The following RUNDC3B variants were observed in gnomAD, a reference collection of about 807,000 sequenced individuals.
The protein encoded by RUNDC3B is RUN domain containing 3B, also known as RUN domain-containing protein 3B.
In RUNDC3B, 33 loss-of-function variants were observed where a neutral mutation model predicts 58.4. The ratio of observed to expected loss-of-function variants is 0.56; its 90% confidence interval spans 0.43 to 0.75. RUNDC3B has a LOEUF of 0.75. Among genes scored for constraint, RUNDC3B ranks in the 30% least tolerant of loss-of-function variants. RUNDC3B has a pLI of 0.00. For missense variants in RUNDC3B, 501 were observed against 535.7 expected, an observed-to-expected ratio of 0.94 and a Z score of 0.64; for synonymous variants, 193 against 195.2, an observed-to-expected ratio of 0.99 and a Z score of 0.10.
Position 87,641,750 on chromosome 7 carries a change from C to T in RUNDC3B, c.123-9072C>T, listed in dbSNP as rs142279977. Among the ~76,000 whole-genome samples the T allele has an allele frequency of 2.0e-3, 311 of 152,288 alleles. 1 individual carries two copies. Among genetic ancestry groups the T allele is most frequent in the Admixed American group, 3.2e-3 (49 of 15,302 alleles). On this transcript the variant is annotated intron_variant, in intron 1 of 10. Coordinates refer to ENST00000394654, the MANE Select transcript of RUNDC3B (RefSeq NM_001134405.2). ...AGAAAGAAAGTGGATATGATGCCCA[C>T]ATTTTGTTGTTTTAGCTAAGTAAAA...
chr7:87,790,452 A>G (rs1835462726), intron 8 of RUNDC3B, among the ~76,000 whole-genome samples: 1 of 152,154 alleles, frequency 6.6e-6, no homozygotes, highest in African/African-American at 2.4e-5. Flanking sequence ...ATGTCTACAA[A>G]CATCAGACCA....
At chr7:87,759,719 G>A (rs971477464) in intron 6 of RUNDC3B, among the ~76,000 whole-genome samples, 2 of 147,090 alleles carry the variant, frequency 1.4e-5, no homozygotes, top group Non-Finnish European at 3.0e-5. Context: ...GATTGCTTAA[G>A]CTCAGGAGTT....
At chr7:87,788,726 C>CT (rs1233193909) in intron 8 of RUNDC3B, among the ~76,000 whole-genome samples, 2 of 76,358 alleles carry the variant, frequency 2.6e-5, no homozygotes, top group Non-Finnish European at 5.8e-5. Context: ...TTTTTCTTTT[C>CT]TTTTTTTATT....
intron 4 of RUNDC3B, among the ~76,000 whole-genome samples, chr7:87,715,801 C>A (rs1830523118): frequency 6.6e-6 from 1 of 151,592 alleles, no homozygotes; most frequent in African/African-American, 2.4e-5. Context: ...GTGACTTGAT[C>A]AGAAAGGCTT....
intron 8 of RUNDC3B, 107 bp downstream of exon 8, chr7:87,778,062 A>ATTTTCT (rs1834737735): frequency 3.4e-6 from 3 of 887,946 alleles, no homozygotes; most frequent in Non-Finnish European, 5.1e-6. Context: ...TGCCTGTTAA[A>ATTTTCT]TTCTTTTTCA....
At chr7:87,661,877 TAA>T (rs1370604455) in intron 2 of RUNDC3B, among the ~76,000 whole-genome samples, 1 of 152,078 alleles carries the variant, frequency 6.6e-6, no homozygotes, top group Non-Finnish European at 1.5e-5. Context: ...CAACAGTGTA[TAA>T]GAGTTCCCTT....
chr7:87,765,638 C>A (rs930088149), intron 6 of RUNDC3B, among the ~76,000 whole-genome samples: 12 of 151,906 alleles, frequency 7.9e-5, no homozygotes, highest in African/African-American at 2.7e-4. Context: ...TAATTTTATT[C>A]CACTGTGGTC....
At chr7:87,705,647 A>C (rs1829517554) in intron 3 of RUNDC3B, among the ~76,000 whole-genome samples, 1 of 152,182 alleles carries the variant, frequency 6.6e-6, no homozygotes, top group East Asian at 1.9e-4. Context: ...GACTTTTATT[A>C]CATAAATTAC....
At chr7:87,814,559 A>G (rs563566406) in intron 9 of RUNDC3B, among the ~76,000 whole-genome samples, 1 of 152,288 alleles carries the variant, frequency 6.6e-6, no homozygotes, top group East Asian at 1.9e-4. Flanking sequence ...GCAGATAGTA[A>G]TAATTCTAGC....
Position 87,628,893 on chromosome 7 carries a change from C to G in RUNDC3B, c.70C>G (p.Leu24Val), listed in dbSNP as rs372672361. 1.5e-5 allele frequency: 19 copies of G among 1,303,590 alleles called. No individual in the cohort carries two copies. The African/African-American group carries it at 2.3e-4, about 16-fold the overall frequency. The allele number at this position is 1,303,590 out of a possible 1,614,324, so 80.8% of individuals were successfully genotyped here. A position where few individuals can be genotyped will look rare whatever the true frequency, so the allele number is the denominator to read the frequency against. Residue 24 changes from leucine to valine, a missense_variant, in exon 1 of 11, where the codon CTG becomes GTG. Transcript: ENST00000394654. Reference sequence around the variant, plus strand: ...TGGCGGCGGAGGCGGCAAGAAAAGCCTGAGCGCCCGCAATGCTGCGGTGGA... The same window carrying G: ...TGGCGGCGGAGGCGGCAAGAAAAGCGTGAGCGCCCGCAATGCTGCGGTGGA... The part of the protein sequence containing the change: ...GGGGGGGKKS[L>V]SARNAAVERR...
At chr7:87,682,424 C>A (rs537549054) in intron 2 of RUNDC3B, among the ~76,000 whole-genome samples, 13 of 152,234 alleles carry the variant, frequency 8.5e-5, no homozygotes, top group African/African-American at 2.6e-4. Context: ...GACTCATTGT[C>A]TATGGAGGCT....
At chr7:87,715,436 A>C (rs979642814) in intron 4 of RUNDC3B, among the ~76,000 whole-genome samples, 2 of 129,416 alleles carry the variant, frequency 1.5e-5, no homozygotes, top group Non-Finnish European at 3.1e-5. Context: ...ATATAATTAT[A>C]TTAATATAAT....
intron 6 of RUNDC3B, among the ~76,000 whole-genome samples, chr7:87,746,458 T>C (rs945986380): frequency 3.3e-5 from 5 of 152,198 alleles, no homozygotes; most frequent in Non-Finnish European, 5.9e-5. Flanking sequence ...TCATTTCTTA[T>C]GTCTATTAGT....
At chr7:87,772,770 C>T (rs1834352252) in intron 7 of RUNDC3B, among the ~76,000 whole-genome samples, 1 of 152,096 alleles carries the variant, frequency 6.6e-6, no homozygotes, top group Non-Finnish European at 1.5e-5. Flanking sequence ...GAAGAGTCAA[C>T]ACCACCATAA....
At chr7:87,632,371 GTA>G (rs1295466398) in intron 1 of RUNDC3B, among the ~76,000 whole-genome samples, 1 of 152,182 alleles carries the variant, frequency 6.6e-6, no homozygotes, top group Non-Finnish European at 1.5e-5. Flanking sequence ...ATGTGTGATT[GTA>G]TATGTGTATG....
intron 4 of RUNDC3B, among the ~76,000 whole-genome samples, chr7:87,733,135 C>T (rs960566152): frequency 6.6e-6 from 1 of 152,134 alleles, no homozygotes; most frequent in Non-Finnish European, 1.5e-5. Flanking sequence ...GACAGGCGCC[C>T]CCCCATGCGT....
chr7:87,826,117 G>A (rs1336525678), intron 10 of RUNDC3B, among the ~76,000 whole-genome samples: 1 of 152,058 alleles, frequency 6.6e-6, no homozygotes, highest in Non-Finnish European at 1.5e-5. Flanking sequence ...GAGGGGCCAG[G>A]GGAAGAATGA....
chr7:87,788,989 G>A (rs900912327), intron 8 of RUNDC3B, among the ~76,000 whole-genome samples: 5 of 152,164 alleles, frequency 3.3e-5, no homozygotes, highest in African/African-American at 9.7e-5. Context: ...ATCTCCTGAA[G>A]TAGTTAGATT....
intron 6 of RUNDC3B, among the ~76,000 whole-genome samples, chr7:87,752,925 AT>A (rs1321716131): frequency 6.6e-6 from 1 of 150,664 alleles, no homozygotes; most frequent in Non-Finnish European, 1.5e-5. Flanking sequence ...TAGCTTTTGA[AT>A]GTGTTTGCTC....
Sources: gnomAD v4.1 joint callset for allele counts (sites outside exome capture counted in the v4.1 genomes callset) on GRCh38, gnomAD v4.1.1 for gene constraint, MANE v1.5 for transcripts, NCBI Gene and HGNC (gene_info 2026-07-23, HGNC 2026-07-21) for gene names.